DPH6: variants seen among roughly 807,000 people sequenced by gnomAD.
The protein encoded by DPH6 is diphthamine biosynthesis 6, also known as diphthine--ammonia ligase.
A neutral mutation model predicts 38.2 loss-of-function variants in DPH6; 33 were observed. The observed-to-expected ratio is 0.86, with a 90% CI of 0.65 to 1.15. DPH6 has a LOEUF of 1.15. Ranked by LOEUF, DPH6 falls within the 50% of genes most tolerant of loss-of-function variation. DPH6 has a pLI of 0.00. For missense variants in DPH6, 325 were observed against 320.0 expected, an observed-to-expected ratio of 1.02 and a Z score of -0.12; for synonymous variants, 108 against 103.0, an observed-to-expected ratio of 1.05 and a Z score of -0.30.
chr15:35,258,293 GA>G (rs2051721304), intron 3 of DPH6, among the ~76,000 whole-genome samples: 1 of 152,178 alleles, frequency 6.6e-6, no homozygotes, highest in African/African-American at 2.4e-5. Flanking sequence ...AAAGGAGAAG[GA>G]TGGGACAGTT....
At chr15:35,444,423 A>G (rs185217923) in intron 5 of DPH6, among the ~76,000 whole-genome samples, 4 of 152,266 alleles carry the variant, frequency 2.6e-5, no homozygotes, top group South Asian at 4.1e-4. Flanking sequence ...CTGTTCAGCA[A>G]TGTCCCATAA....
chr15:35,325,908 T>C (rs889753685), downstream of DPH6, among the ~76,000 whole-genome samples: 1 of 151,602 alleles, frequency 6.6e-6, no homozygotes, highest in Admixed American at 6.6e-5. Context: ...AATAGAAAAA[T>C]AGACAAGACA....
chr15:35,503,833 A>T (rs2054658804), intron 3 of DPH6, among the ~76,000 whole-genome samples: 1 of 152,138 alleles, frequency 6.6e-6, no homozygotes, highest in Non-Finnish European at 1.5e-5. Context: ...AAAGGCACAG[A>T]GAGGTAAAGT....
chr15:35,209,922 G>GTACCTTT, the DPH6 span, among the ~76,000 whole-genome samples: 2 of 152,078 alleles, frequency 1.3e-5, no homozygotes, highest in Non-Finnish European at 2.9e-5. Context: ...GATACTATAG[G>GTACCTTT]TACCTTTTAA....
chr15:35,228,706 T>A (rs1286941304), intron 3 of DPH6, among the ~76,000 whole-genome samples: 2 of 152,246 alleles, frequency 1.3e-5, no homozygotes, highest in African/African-American at 4.8e-5. Flanking sequence ...TCTTTCTGAT[T>A]GAAATACTCC....
At chr15:35,339,175 A>G (rs2052400786) in intron 3 of DPH6, among the ~76,000 whole-genome samples, 1 of 151,808 alleles carries the variant, frequency 6.6e-6, no homozygotes, top group Non-Finnish European at 1.5e-5. Context: ...TAGAACTTAA[A>G]GTATAATAAA....
Position 35,338,799 on chromosome 15 carries a change from T to C in DPH6, n.208-7722A>G, listed in dbSNP as rs76188827. On this transcript the variant is annotated intron_variant and non_coding_transcript_variant, in intron 3 of 3. Transcript: ENST00000558973. ...AACCAACTCAAATGTCTGACAATGA[T>C]AGACTGGATTAAGAAAATGTGGCAC... Among the ~76,000 whole-genome samples, 2,909 of 152,302 alleles carry C rather than the reference T, an allele frequency of 0.019. 326 individuals carry two copies. The East Asian group carries it at 0.34, about 18-fold the overall frequency.
intron 3 of DPH6, among the ~76,000 whole-genome samples, chr15:35,365,494 T>G (rs1052843402): frequency 3.9e-5 from 6 of 152,098 alleles, no homozygotes; most frequent in African/African-American, 1.4e-4. Flanking sequence ...ATCAGAAATT[T>G]TATTTCTTAA....
intron 3 of DPH6, among the ~76,000 whole-genome samples, chr15:35,498,214 C>A (rs542948712): frequency 1.3e-5 from 2 of 152,204 alleles, no homozygotes; most frequent in East Asian, 3.9e-4. Flanking sequence ...GAGTGCCAGC[C>A]CTCAGAAAGG....
At chr15:35,363,006 T>C (rs2052626731) in intron 3 of DPH6, among the ~76,000 whole-genome samples, 1 of 152,202 alleles carries the variant, frequency 6.6e-6, no homozygotes, top group African/African-American at 2.4e-5. Flanking sequence ...TAATATAACA[T>C]TCCCTGCATA....
chr15:35,545,212 A>G (rs2055327142), intron 1 of DPH6, among the ~76,000 whole-genome samples: 1 of 152,236 alleles, frequency 6.6e-6, no homozygotes, highest in Non-Finnish European at 1.5e-5. Flanking sequence ...CTACAGGGCA[A>G]AATCTCATGA....
chr15:35,353,630 T>C (rs1372858292), intron 3 of DPH6, among the ~76,000 whole-genome samples: 2 of 152,178 alleles, frequency 1.3e-5, no homozygotes, highest in African/African-American at 4.8e-5. Flanking sequence ...TTCTGTTCCA[T>C]TGGTCTATAT....
chr15:35,415,857 T>G (rs79963257), intron 5 of DPH6, among the ~76,000 whole-genome samples: 4,085 of 152,140 alleles, frequency 0.027, 94 homozygotes, highest in African/African-American at 0.061. Flanking sequence ...AGAGATCATT[T>G]CACTACAAAA....
the DPH6 span, among the ~76,000 whole-genome samples, chr15:35,194,397 TAGAG>T: frequency 2.4e-5 from 3 of 124,986 alleles, no homozygotes; most frequent in Non-Finnish European, 5.0e-5. Flanking sequence ...GAGAGAGAGA[TAGAG>T]AGAGAGAGAG....
At chr15:35,449,651 T>A (rs899743816) in intron 5 of DPH6, among the ~76,000 whole-genome samples, 6 of 68,766 alleles carry the variant, frequency 8.7e-5, no homozygotes, top group Admixed American at 1.9e-4. Flanking sequence ...ATAACGTTAA[T>A]CATGAGAGCT....
the DPH6 span, among the ~76,000 whole-genome samples, chr15:35,195,640 C>A: frequency 6.6e-6 from 1 of 152,140 alleles, no homozygotes; most frequent in Non-Finnish European, 1.5e-5. Context: ...ACAGGTAAGG[C>A]TCCACAGACA....
chr15:35,210,944 C>A, the DPH6 span, among the ~76,000 whole-genome samples: 257 of 118,348 alleles, frequency 2.2e-3, no homozygotes, highest in Non-Finnish European at 3.4e-3. Flanking sequence ...ATAGATAGAT[C>A]ACTTTTTTTT....
the DPH6 span, among the ~76,000 whole-genome samples, chr15:35,167,564 CT>C: frequency 0.1 from 4,212 of 40,308 alleles, 195 homozygotes; most frequent in African/African-American, 0.27. Context: ...GATTTTATGT[CT>C]TTTTTTTAAA....
intron 2 of DPH6, among the ~76,000 whole-genome samples, chr15:35,539,369 C>T (rs923667625): frequency 2.0e-5 from 3 of 151,688 alleles, no homozygotes; most frequent in Non-Finnish European, 2.9e-5. Context: ...GTATGTTCTG[C>T]GGAATACAAA....
Sources: allele counts gnomAD v4.1 joint callset (sites outside exome capture counted in the v4.1 genomes callset), GRCh38; gene constraint gnomAD v4.1.1; transcripts MANE v1.5; gene names NCBI Gene and HGNC (gene_info 2026-07-23, HGNC 2026-07-21).